The following ZEB1 variants were observed in gnomAD, a reference collection of about 807,000 sequenced individuals.
ZEB1 encodes zinc finger E-box binding homeobox 1.
ZEB1 carries 21 observed loss-of-function variants against 84.9 expected under a neutral mutation model. That is an observed-to-expected ratio of 0.25 (90% CI 0.18 to 0.36). ZEB1 has a LOEUF of 0.36. Ranked by LOEUF, ZEB1 falls within the 10% of genes least tolerant of loss-of-function variation. ZEB1 has a pLI of 1.00. For missense variants in ZEB1, 1,104 were observed against 1,330.2 expected, an observed-to-expected ratio of 0.83 and a Z score of 2.65; for synonymous variants, 420 against 471.1, an observed-to-expected ratio of 0.89 and a Z score of 1.41.
At chr10:31,467,525 G>A (rs538684124) in intron 2 of ZEB1, among the ~76,000 whole-genome samples, 1 of 152,308 alleles carries the variant, frequency 6.6e-6, no homozygotes, top group South Asian at 2.1e-4. Flanking sequence ...TTGCTGTGGA[G>A]TGGGACCCAC....
chr10:31,476,208 C>T (rs2138235255), intron 2 of ZEB1, among the ~76,000 whole-genome samples: 1 of 151,718 alleles, frequency 6.6e-6, no homozygotes, highest in African/African-American at 2.4e-5. Context: ...ATTGGTAGAC[C>T]ACTAACTAGT....
In ZEB1 at chr10:31,488,530, T is replaced by A. The variant is rs531320821; in HGVS notation, c.260-7246T>A. On this transcript the variant is annotated intron_variant, in intron 2 of 8. Transcript: ENST00000424869. The stretch of plus-strand genomic sequence containing the variant: ...CTTTTTGTCTCACTGTTTTTTTTTT[T>A]AATTTTATTGCTTTTTGATTTTTAT... 2.4e-3 allele frequency among the ~76,000 whole-genome samples: 358 copies of A among 150,564 alleles called. 1 individual carries two copies. The highest frequency in any genetic ancestry group is 6.5e-3 in the African/African-American group (268 of 41,032).
At chr10:31,404,906 A>T (rs1247490605) in intron 1 of ZEB1, among the ~76,000 whole-genome samples, 1 of 152,152 alleles carries the variant, frequency 6.6e-6, no homozygotes, top group African/African-American at 2.4e-5. Context: ...AGGGAGAAAA[A>T]GAGCAGGCTG....
At chr10:31,430,887 TAGC>T (rs1237330835) in intron 1 of ZEB1, among the ~76,000 whole-genome samples, 1 of 152,234 alleles carries the variant, frequency 6.6e-6, no homozygotes, top group Admixed American at 6.5e-5. Flanking sequence ...TTCATTTAAA[TAGC>T]AGTTATTTTT....
intron 3 of ZEB1, among the ~76,000 whole-genome samples, chr10:31,502,095 G>A (rs1591916519): frequency 1.3e-5 from 2 of 152,124 alleles, no homozygotes; most frequent in Admixed American, 1.3e-4. Context: ...TGCAATAGAA[G>A]TATGACTTTA....
rs2059721057 is a variant in ZEB1 at position 31,446,038 on chromosome 10, T to C, written c.59-14999T>C. Among the ~76,000 whole-genome samples, 5 of 137,066 alleles carry C rather than the reference T, an allele frequency of 3.6e-5. No homozygotes were observed. In the Admixed American group the frequency reaches 3.7e-4, roughly 10 times the overall value. The allele number at this position is 137,066 out of a possible 152,430, so 89.9% of individuals were successfully genotyped here. A position where few individuals can be genotyped will look rare whatever the true frequency, so the allele number is the denominator to read the frequency against. Reference sequence around the variant, plus strand: ...CTGGTAGAATTCGGCTGTGAATCCATCTGGTCCTGGACTCTTTTTGGTTGG... The same window carrying C: ...CTGGTAGAATTCGGCTGTGAATCCACCTGGTCCTGGACTCTTTTTGGTTGG... On this transcript the variant is annotated intron_variant, in intron 1 of 8. Coordinates refer to ENST00000424869, the MANE Select transcript of ZEB1 (RefSeq NM_001174096.2).
chr10:31,477,640 T>C (rs973583723), intron 2 of ZEB1, among the ~76,000 whole-genome samples: 3 of 151,802 alleles, frequency 2.0e-5, no homozygotes, highest in East Asian at 3.9e-4. Context: ...GTTACTGATA[T>C]CGTGATACCA....
rs564773864 is a variant in ZEB1 at position 31,520,898 on chromosome 10, C to T, written c.1566C>T (p.Ser522=). 1 of 1,613,932 alleles carries T rather than the reference C, an allele frequency of 6.2e-7. No homozygotes were observed. The highest frequency in any genetic ancestry group is 1.3e-5 in the African/African-American group (1 of 74,906). The change falls in exon 7 of 9, where the codon AGC becomes AGT. Residue 522 remains serine (S), a synonymous_variant. Coordinates refer to ENST00000424869, the MANE Select transcript of ZEB1 (RefSeq NM_001174096.2). The surrounding 1 kb of genome is among the most constrained non-coding windows in gnomAD (Gnocchi z 5.1). The part of the protein sequence containing the change: ...DLTVKSEKDK[S]FEGGVNDSTC... ...CTGTTAAGTCTGAGAAGGACAAAAG[C>T]TTTGAAGGGGGGGTGAATGATAGCA...
At chr10:31,456,367 G>A (rs891326486) in intron 1 of ZEB1, among the ~76,000 whole-genome samples, 14 of 152,048 alleles carry the variant, frequency 9.2e-5, no homozygotes, top group Admixed American at 7.9e-4. Context: ...TAACCTGCAC[G>A]TTCTGCGATG....
intron 1 of ZEB1, among the ~76,000 whole-genome samples, chr10:31,405,738 A>C (rs2052879515): frequency 6.6e-6 from 1 of 150,992 alleles, no homozygotes; most frequent in Admixed American, 6.6e-5. Flanking sequence ...AAGTTCTGGG[A>C]TACATCTGCA....
At chr10:31,344,187 CAAATT>C (rs980094340) in intron 1 of ZEB1, among the ~76,000 whole-genome samples, 1 of 151,972 alleles carries the variant, frequency 6.6e-6, no homozygotes, top group Non-Finnish European at 1.5e-5. Context: ...CATTAACTGA[CAAATT>C]ATATTAAGTA....
chr10:31,345,048 G>A (rs2040059288), intron 1 of ZEB1, among the ~76,000 whole-genome samples: 1 of 152,178 alleles, frequency 6.6e-6, no homozygotes, highest in Non-Finnish European at 1.5e-5. Flanking sequence ...TTGACTGGAA[G>A]TTTTCTACTG....
chr10:31,326,943 C>T (rs543327354), intron 1 of ZEB1, among the ~76,000 whole-genome samples: 15 of 152,248 alleles, frequency 9.9e-5, no homozygotes, highest in African/African-American at 3.6e-4. Flanking sequence ...TCACTCTATC[C>T]TTCCTACCTT....
chr10:31,344,209 T>C (rs559505462), intron 1 of ZEB1, among the ~76,000 whole-genome samples: 1 of 152,226 alleles, frequency 6.6e-6, no homozygotes, highest in East Asian at 1.9e-4. Context: ...AGTAAATATA[T>C]AGCCATGGGC....
At chr10:31,414,300 G>C (rs892692301) in intron 1 of ZEB1, among the ~76,000 whole-genome samples, 4 of 152,006 alleles carry the variant, frequency 2.6e-5, no homozygotes, top group African/African-American at 9.7e-5. Flanking sequence ...TACTGAATAG[G>C]TAGTAATTTA....
At chr10:31,514,562 TC>T in intron 5 of ZEB1, 40 bp from the exon 6 acceptor site, 1 of 1,553,404 alleles carries the variant, frequency 6.4e-7, no homozygotes, top group South Asian at 1.1e-5. Flanking sequence ...AGTCTAAAGA[TC>T]TTTTGCTTTT....
At chr10:31,481,288 A>G (rs531459416) in intron 2 of ZEB1, among the ~76,000 whole-genome samples, 3 of 152,184 alleles carry the variant, frequency 2.0e-5, no homozygotes, top group Admixed American at 1.3e-4. Flanking sequence ...TAGATGGGGT[A>G]TGTTAGTGTA....
rs1339932454 is a variant in ZEB1 at position 31,319,400 on chromosome 10, G to A, written c.58+108G>A. 3 of 1,128,380 alleles carry A rather than the reference G, an allele frequency of 2.7e-6. No individual in the cohort carries two copies. In the African/African-American group the frequency reaches 4.6e-5, roughly 17 times the overall value. The allele number at this position is 1,128,380 out of a possible 1,614,324, so 69.9% of individuals were successfully genotyped here. On this transcript the variant is annotated intron_variant, in intron 1 of 8. Transcript: ENST00000424869. ...CCGGGCTGGGGGCAGCCGGGGCAGG[G>A]ACGGCAAAGTGGAGTGGGAAAGTAG... is the stretch of plus-strand genomic sequence containing the variant.
upstream of ZEB1, chr10:31,319,040 C>T: frequency 1.6e-6 from 1 of 629,462 alleles, no homozygotes; most frequent in Non-Finnish European, 2.9e-6. Context: ...TGCCGCAAAC[C>T]GCCCGGTCCC....
Sources: allele counts gnomAD v4.1 joint callset (sites outside exome capture counted in the v4.1 genomes callset), GRCh38; gene constraint gnomAD v4.1.1; non-coding constraint Gnocchi (gnomAD v3.1); transcripts MANE v1.5; gene names NCBI Gene and HGNC (gene_info 2026-07-23, HGNC 2026-07-21).